RASGEF1A: variants seen among roughly 807,000 people sequenced by gnomAD.
RASGEF1A encodes RasGEF domain family member 1A, also known as ras-GEF domain-containing family member 1A.
RASGEF1A carries 18 observed loss-of-function variants against 56.4 expected under a neutral mutation model. That is an observed-to-expected ratio of 0.32 (90% CI 0.22 to 0.47). The LOEUF (loss-of-function observed/expected upper bound fraction) is 0.47, where lower values mean the gene tolerates loss of function less well. Ranked by LOEUF, RASGEF1A falls within the 20% of genes least tolerant of loss-of-function variation. The probability of loss-of-function intolerance (pLI) is 1.00; values close to 1 mark genes in which losing one functional copy is unlikely to be tolerated. For synonymous variants in RASGEF1A, 245 were observed against 242.6 expected (o/e 1.01, Z -0.09); for missense variants, 422 against 627.1 (o/e 0.67, Z 3.49).
intron 2 of RASGEF1A, among the ~76,000 whole-genome samples, 178 bp downstream of exon 2, chr10:43,205,741 G>A (rs1266358212): frequency 1.3e-5 from 2 of 152,162 alleles, no homozygotes; most frequent in Non-Finnish European, 2.9e-5. Flanking sequence ...AGCTGGTGGT[G>A]TATGCAGAGC....
chr10:43,232,161 G>C (rs1324200133), intron 1 of RASGEF1A, among the ~76,000 whole-genome samples: 1 of 152,258 alleles, frequency 6.6e-6, no homozygotes, highest in Non-Finnish European at 1.5e-5. Flanking sequence ...ATGTTCAATT[G>C]TAATCCCCAG....
At position 43,207,112 on chromosome 10, in the gene RASGEF1A, G is replaced by C. The variant is rs1809887801; in HGVS notation, c.-6-990C>G. On this transcript the variant is annotated intron_variant, in intron 1 of 12. Transcript: ENST00000395810. ...AGCCAAGTGGGGACTGGACGATGCA[G>C]CAACTGCCAGCCTGAGGGCCAGAGG... The C allele has an allele frequency of 6.1e-6, 6 of 985,554 alleles. No individual in the cohort carries two copies. In the South Asian group the frequency reaches 2.8e-4, roughly 46 times the overall value. 61.1% of individuals were successfully genotyped at this position (985,554 alleles called of 1,614,324 possible). A position where few individuals can be genotyped will look rare whatever the true frequency, so the allele number is the denominator to read the frequency against.
At chr10:43,204,510 T>C (rs1208742184) in intron 2 of RASGEF1A, among the ~76,000 whole-genome samples, 2 of 152,162 alleles carry the variant, frequency 1.3e-5, no homozygotes, top group African/African-American at 2.4e-5. Flanking sequence ...AGGAGACAAC[T>C]AAGACGTGGA....
At chr10:43,203,566 C>T (rs1254084079) in intron 2 of RASGEF1A, 146 bp from the exon 3 acceptor site, 138 of 1,332,882 alleles carry the variant, frequency 1.0e-4, no homozygotes, top group Non-Finnish European at 1.4e-4. Flanking sequence ...GTTCCCTTCG[C>T]CTTGCAGGCC....
At chr10:43,248,546 A>C (rs1056952388) in intron 1 of RASGEF1A, among the ~76,000 whole-genome samples, 3 of 152,126 alleles carry the variant, frequency 2.0e-5, no homozygotes, top group Non-Finnish European at 4.4e-5. Flanking sequence ...CCAGGACAGC[A>C]CTCGATGACC....
chr10:43,220,851 T>TC (rs1840198791), intron 1 of RASGEF1A, among the ~76,000 whole-genome samples: 1 of 151,610 alleles, frequency 6.6e-6, no homozygotes, highest in African/African-American at 2.4e-5. Context: ...TGCTGAGCCC[T>TC]CAGAGTGATT....
At chr10:43,205,753 G>A (rs1332868647) in intron 2 of RASGEF1A, among the ~76,000 whole-genome samples, 166 bp downstream of exon 2, 1 of 152,170 alleles carries the variant, frequency 6.6e-6, no homozygotes, top group Non-Finnish European at 1.5e-5. Context: ...ATGCAGAGCA[G>A]AAGGCAGAGA....
chr10:43,225,623 T>G (rs1840269840), intron 1 of RASGEF1A, among the ~76,000 whole-genome samples: 3 of 151,938 alleles, frequency 2.0e-5, no homozygotes, highest in Admixed American at 1.3e-4. Context: ...CTCAGCTCTC[T>G]AAGCTCCACT....
At chr10:43,232,189 G>A (rs1025278901) in intron 1 of RASGEF1A, among the ~76,000 whole-genome samples, 10 of 152,350 alleles carry the variant, frequency 6.6e-5, no homozygotes, top group Admixed American at 2.6e-4. Flanking sequence ...GGTTGGAGGC[G>A]ATTGGATCAT....
intron 1 of RASGEF1A, among the ~76,000 whole-genome samples, chr10:43,222,916 C>G (rs1235938720): frequency 6.6e-6 from 1 of 152,160 alleles, no homozygotes; most frequent in Non-Finnish European, 1.5e-5. Flanking sequence ...TACAGGGCAC[C>G]CAGCTGCTGT....
chr10:43,208,283 CT>C (rs1840023543), intron 1 of RASGEF1A: 1 of 985,556 alleles, frequency 1.0e-6, no homozygotes, highest in African/African-American at 1.7e-5. Context: ...GCAGGCTGCT[CT>C]GGTCAGGAGG....
intron 2 of RASGEF1A, among the ~76,000 whole-genome samples, chr10:43,204,338 A>G (rs1399010641): frequency 1.3e-5 from 2 of 152,128 alleles, no homozygotes; most frequent in Non-Finnish European, 2.9e-5. Context: ...GGCCTCCTGG[A>G]GCAGGACTCA....
At chr10:43,237,189 G>C (rs1190477590) in intron 1 of RASGEF1A, among the ~76,000 whole-genome samples, 1 of 152,000 alleles carries the variant, frequency 6.6e-6, no homozygotes, top group Non-Finnish European at 1.5e-5. Context: ...GTGTGGCCTT[G>C]TGAGGGGGTC....
intron 1 of RASGEF1A, chr10:43,208,146 C>T: frequency 1.0e-6 from 1 of 985,486 alleles, no homozygotes. Context: ...ACAACCTCCC[C>T]AAGATCACAC....
chr10:43,195,258 G>A lies in RASGEF1A; in HGVS notation c.*986C>T, dbSNP rs1265239978. On this transcript the variant is annotated 3_prime_UTR_variant, in exon 13 of 13. Coordinates refer to ENST00000395810, the MANE Select transcript of RASGEF1A (RefSeq NM_145313.4). This position sits in a 1 kb window ranked among gnomAD's most constrained non-coding sequence, Gnocchi z 4.2. Reference sequence around the variant, plus strand: ...AGCTGGGTGTAGAAAACACCTCTCAGTATTGGGCAGTTTTATCTGAATGGG... The same window carrying A: ...AGCTGGGTGTAGAAAACACCTCTCAATATTGGGCAGTTTTATCTGAATGGG... 1 of 152,286 alleles carries A rather than the reference G, an allele frequency of 6.6e-6. No homozygotes were observed. Among genetic ancestry groups the A allele is most frequent in the Non-Finnish European group, 1.5e-5 (1 of 68,078 alleles). The allele number at this position is 152,286 out of a possible 1,614,324, so 9.4% of individuals were successfully genotyped here.
rs142194825 is a variant in RASGEF1A at position 43,241,665 on chromosome 10, G to A, written c.-7+25180C>T. ...ATGAAGGAATAAAGGAACAAAAATG[G>A]CATAAGACATAAAAAACAAATAGCA... On this transcript the variant is annotated intron_variant, in intron 1 of 12. Transcript: ENST00000395810. Among the ~76,000 whole-genome samples, 44 of 151,174 alleles carry A rather than the reference G, an allele frequency of 2.9e-4. 1 individual carries two copies. Among genetic ancestry groups the A allele is most frequent in the African/African-American group, 1.1e-3 (44 of 41,166 alleles).
intron 1 of RASGEF1A, among the ~76,000 whole-genome samples, chr10:43,266,241 G>A (rs1426006425): frequency 1.3e-5 from 2 of 152,132 alleles, no homozygotes; most frequent in African/African-American, 2.4e-5. Context: ...TCCTGGGGCC[G>A]GCAAGGCCTG....
chr10:43,222,836 G>C (rs1411600780), intron 1 of RASGEF1A, among the ~76,000 whole-genome samples: 2 of 152,182 alleles, frequency 1.3e-5, no homozygotes, highest in African/African-American at 2.4e-5. Flanking sequence ...GAGGGAGGGG[G>C]ACAGCCTTGT....
chr10:43,228,831 G>C (rs759040532), intron 1 of RASGEF1A, among the ~76,000 whole-genome samples: 2 of 152,218 alleles, frequency 1.3e-5, no homozygotes, highest in Non-Finnish European at 2.9e-5. Context: ...CTGCTGAACC[G>C]CAGTGCCTGC....
Sources: allele counts gnomAD v4.1 joint callset (sites outside exome capture counted in the v4.1 genomes callset), GRCh38; gene constraint gnomAD v4.1.1; non-coding constraint Gnocchi (gnomAD v3.1); transcripts MANE v1.5; gene names NCBI Gene and HGNC (gene_info 2026-07-23, HGNC 2026-07-21).